Variants in PAN2 observed in about 807,000 individuals in gnomAD.
PAN2 encodes PAN2-PAN3 deadenylation complex catalytic subunit PAN2.
In PAN2, 68 loss-of-function variants were observed where a neutral mutation model predicts 133.3. That is an observed-to-expected ratio of 0.51 (90% confidence interval 0.42 to 0.62). The LOEUF (loss-of-function observed/expected upper bound fraction) is 0.62. Among genes scored for constraint, PAN2 ranks in the 20% least tolerant of loss-of-function variants. The probability of loss-of-function intolerance (pLI) is 0.00; values close to 1 mark genes in which losing one functional copy is unlikely to be tolerated. For synonymous variants in PAN2, 462 were observed against 544.6 expected (o/e 0.85, Z 2.11); for missense variants, 1,042 against 1,500.5 (o/e 0.69, Z 5.05).
chr12:56,323,449 G>A (rs1201080827), intron 15 of PAN2, 51 bp downstream of exon 15: 9 of 1,607,538 alleles, frequency 5.6e-6, no homozygotes, highest in Non-Finnish European at 7.7e-6. Context: ...TCAGAAGGGG[G>A]ATAAAATGAA....
In PAN2 at chr12:56,333,171, C is replaced by T. The variant is rs896116812; in HGVS notation, c.-77G>A. On this transcript the variant is annotated 5_prime_UTR_variant, in exon 2 of 26. Transcript: ENST00000440411. Reference sequence around the variant, plus strand: ...TTTAGATGCCTGACCCAACCTTCAGCAAGACAGCACCGATGGGCCTAGAAT... The same window carrying T: ...TTTAGATGCCTGACCCAACCTTCAGTAAGACAGCACCGATGGGCCTAGAAT... The T allele has an allele frequency of 9.7e-5, 142 of 1,469,016 alleles. 3 individuals carry two copies. The South Asian group carries it at 1.7e-3, about 18-fold the overall frequency. The allele number at this position is 1,469,016 out of a possible 1,614,324, so 91.0% of individuals were successfully genotyped here. A position where few individuals can be genotyped will look rare whatever the true frequency, so the allele number is the denominator to read the frequency against.
At chr12:56,330,245 G>C (rs947151779) in intron 2 of PAN2, among the ~76,000 whole-genome samples, 1 of 151,284 alleles carries the variant, frequency 6.6e-6, no homozygotes, top group Non-Finnish European at 1.5e-5. Flanking sequence ...TTCTAAAAGA[G>C]CCATTAGGAA....
chr12:56,317,244 C>T lies in PAN2; in HGVS notation c.*365G>A, dbSNP rs1874026401. The T allele has an allele frequency of 4.2e-6, 1 of 239,984 alleles. No individual in the cohort carries two copies. The highest frequency in any genetic ancestry group is 6.3e-5 in the South Asian group (1 of 15,800). 14.9% of individuals were successfully genotyped at this position (239,984 alleles called of 1,614,324 possible). On this transcript the variant is annotated 3_prime_UTR_variant, in exon 26 of 26. Coordinates refer to ENST00000440411, the MANE Select transcript of PAN2 (RefSeq NM_014871.6). ...TGAACTACTGTGGTATCCTCTGTCA[C>T]TGTCCAGGACTTCAATCCCTAGCCA...
Position 56,332,871 on chromosome 12 carries a change from G to C in PAN2, c.224C>G (p.Pro75Arg). The change falls in exon 2 of 26, where the codon CCT becomes CGT. Residue 75 changes from proline (P) to arginine (R), a missense_variant. Transcript: ENST00000440411. Reference protein sequence around the residue: ...LHSVVAEVGVPVSVSHFDLHE... With the variant: ...LHSVVAEVGVRVSVSHFDLHE... Reference sequence around the variant, plus strand: ...CAAGTCAAAGTGGGAGACGGAAACAGGTACACCCACTTCAGCCACCACGCT... The same window carrying C: ...CAAGTCAAAGTGGGAGACGGAAACACGTACACCCACTTCAGCCACCACGCT... 1 of 1,614,180 alleles carries C rather than the reference G, an allele frequency of 6.2e-7. No homozygotes were observed. The highest frequency in any genetic ancestry group is 8.5e-7 in the Non-Finnish European group (1 of 1,180,034).
Position 56,317,534 on chromosome 12 carries a change from C to T in PAN2, c.*75G>A. On this transcript the variant is annotated 3_prime_UTR_variant, in exon 26 of 26. Coordinates refer to ENST00000440411, the MANE Select transcript of PAN2 (RefSeq NM_014871.6). Reference sequence around the variant, plus strand: ...CTGGAAGTGGACAAGGTATAGCCAACTTAGGAAGCCATCTCCCAGTTCTGG... The same window carrying T: ...CTGGAAGTGGACAAGGTATAGCCAATTTAGGAAGCCATCTCCCAGTTCTGG... 1 of 1,341,114 alleles carries T rather than the reference C, an allele frequency of 7.5e-7. No homozygotes were observed. Among genetic ancestry groups the T allele is most frequent in the African/African-American group, 1.4e-5 (1 of 69,896 alleles). The allele number at this position is 1,341,114 out of a possible 1,614,324, so 83.1% of individuals were successfully genotyped here.
At position 56,324,692 on chromosome 12, in the gene PAN2, C is replaced by T. The variant is rs759537895; in HGVS notation, c.1617G>A (p.Glu539=). 2.5e-6 allele frequency: 4 copies of T among 1,613,324 alleles called. No individual in the cohort carries two copies. Among genetic ancestry groups the T allele is most frequent in the Non-Finnish European group, 3.4e-6 (4 of 1,179,816 alleles). ...NCMIQVLYFL[E]PVRCLIQNHL... is the part of the protein sequence containing the mutation. Reference sequence around the variant, plus strand: ...GGTTTTGAATTAGACAGCGTACAGGCTCCAGGAAATAGAGCACCTGGAGGG... The same window carrying T: ...GGTTTTGAATTAGACAGCGTACAGGTTCCAGGAAATAGAGCACCTGGAGGG... Residue 539 remains glutamate, a synonymous_variant, in exon 11 of 26, where the codon GAG becomes GAA. Transcript: ENST00000440411.
chr12:56,333,129 TC>T lies in PAN2; in HGVS notation c.-36del. On this transcript the variant is annotated 5_prime_UTR_variant, in exon 2 of 26. Transcript: ENST00000440411. ...GGCAGCTTACACCTGTGTCACACCC[TC>T]CCTTACCACAGTCCCTTTAGATGCC... 1 of 1,605,772 alleles carries T rather than the reference TC, an allele frequency of 6.2e-7. No individual in the cohort carries two copies. Among genetic ancestry groups the T allele is most frequent in the Non-Finnish European group, 8.5e-7 (1 of 1,174,506 alleles).
chr12:56,330,310 C>A (rs1472193116), intron 2 of PAN2, among the ~76,000 whole-genome samples: 1 of 151,800 alleles, frequency 6.6e-6, no homozygotes, highest in East Asian at 1.9e-4. Context: ...AGCAACATTT[C>A]CCACCCTTCA....
At chr12:56,325,279 C>A in intron 9 of PAN2, 56 bp downstream of exon 9, 5 of 1,607,456 alleles carry the variant, frequency 3.1e-6, no homozygotes, top group Non-Finnish European at 4.3e-6. Flanking sequence ...TCTCATATGA[C>A]TTCCTTCCCA....
At position 56,328,032 on chromosome 12, in the gene PAN2, G is replaced by T; in HGVS notation, c.614C>A (p.Thr205Lys). The T allele has an allele frequency of 6.2e-7, 1 of 1,613,968 alleles. No homozygotes were observed. The highest frequency in any genetic ancestry group is 8.5e-7 in the Non-Finnish European group (1 of 1,179,904). Reference protein sequence around the residue: ...ETPGVTIMRQTNRFFFCGHTS... With the variant: ...ETPGVTIMRQKNRFFFCGHTS... ...GTGGCCGCAGAAGAAGAAGCGATTTGTCTGTCTCATGATGGTGACTCCAGG... is the reference window on the plus strand; with the variant it reads ...GTGGCCGCAGAAGAAGAAGCGATTTTTCTGTCTCATGATGGTGACTCCAGG... The change falls in exon 5 of 26, where the codon ACA becomes AAA. Residue 205 changes from threonine (T) to lysine (K), a missense_variant. Physicochemically the swap from Thr to Lys is moderately conservative, Grantham distance 78. Coordinates refer to ENST00000440411, the MANE Select transcript of PAN2 (RefSeq NM_014871.6).
intron 2 of PAN2, among the ~76,000 whole-genome samples, chr12:56,330,113 TAAG>T (rs993710134): frequency 6.6e-6 from 1 of 152,100 alleles, no homozygotes; most frequent in Non-Finnish European, 1.5e-5. Flanking sequence ...GGCACAAGGA[TAAG>T]TTAGAGGCAT....
rs774488262 is a variant in PAN2 at position 56,332,784 on chromosome 12, C to T, written c.282+29G>A. ...CCAGATAAAGACCTTCAACATCTTT[C>T]AACCCTCACAAAGGGGTACAGTTCT... On this transcript the variant is annotated intron_variant, in intron 2 of 25. Coordinates refer to ENST00000440411, the MANE Select transcript of PAN2 (RefSeq NM_014871.6). The T allele has an allele frequency of 3.1e-6, 5 of 1,605,102 alleles. No individual in the cohort carries two copies. The South Asian group carries it at 5.5e-5, about 18-fold the overall frequency.
At position 56,333,036 on chromosome 12, in the gene PAN2, G is replaced by A. The variant is rs763671246; in HGVS notation, c.59C>T (p.Ala20Val). 6.2e-7 allele frequency: 1 copy of A among 1,614,150 alleles called. No individual in the cohort carries two copies. Among genetic ancestry groups the A allele is most frequent in the East Asian group, 2.2e-5 (1 of 44,888 alleles). ...LAEYAPAMHS[A>V]LDPVLDAHLN... ...GTGGGCATCCAAGACAGGGTCCAGG[G>A]CAGAATGCATGGCTGGGGCATATTC... Residue 20 changes from alanine (A) to valine (V), a missense_variant, in exon 2 of 26, where the codon GCC (alanine) becomes GTC (valine). Coordinates refer to ENST00000440411, the MANE Select transcript of PAN2 (RefSeq NM_014871.6).
At chr12:56,320,171 G>C (rs1285272637) in intron 20 of PAN2, 150 bp from the exon 21 acceptor site, 2 of 700,496 alleles carry the variant, frequency 2.9e-6, no homozygotes, top group Non-Finnish European at 4.8e-6. Flanking sequence ...CTGATAAATG[G>C]GACAGGTAGA....
At chr12:56,322,006 C>T in intron 20 of PAN2, 72 bp downstream of exon 20, 2 of 745,192 alleles carry the variant, frequency 2.7e-6, no homozygotes, top group Non-Finnish European at 4.7e-6. Flanking sequence ...TACTTGCAAG[C>T]AATGTCCCAG....
Position 56,333,177 on chromosome 12 carries a change from A to G in PAN2, c.-83T>C. ...TGCCTGACCCAACCTTCAGCAAGAC[A>G]GCACCGATGGGCCTAGAATGGACAT... On this transcript the variant is annotated 5_prime_UTR_variant, in exon 2 of 26. Coordinates refer to ENST00000440411, the MANE Select transcript of PAN2 (RefSeq NM_014871.6). The G allele has an allele frequency of 7.0e-7, 1 of 1,427,328 alleles. No individual in the cohort carries two copies. The highest frequency in any genetic ancestry group is 9.7e-7 in the Non-Finnish European group (1 of 1,027,648). The allele number at this position is 1,427,328 out of a possible 1,614,324, so 88.4% of individuals were successfully genotyped here.
At position 56,333,183 on chromosome 12, in the gene PAN2, G is replaced by T; in HGVS notation, c.-89C>A. On this transcript the variant is annotated 5_prime_UTR_variant, in exon 2 of 26. The change creates a premature stop within an existing upstream ORF in the 5' untranslated region. Transcript: ENST00000440411. ...ACCCAACCTTCAGCAAGACAGCACC[G>T]ATGGGCCTAGAATGGACATCCTGGC... is the stretch of plus-strand genomic sequence containing the variant. 7.3e-7 allele frequency: 1 copy of T among 1,370,502 alleles called. No individual in the cohort carries two copies. The highest frequency in any genetic ancestry group is 1.0e-6 in the Non-Finnish European group (1 of 980,878). 84.9% of individuals were successfully genotyped at this position (1,370,502 alleles called of 1,614,324 possible).
chr12:56,333,232 A>C, intron 1 of PAN2, 24 bp from the exon 2 acceptor site: 1 of 844,108 alleles, frequency 1.2e-6, no homozygotes, highest in Non-Finnish European at 1.8e-6. Flanking sequence ...GAGGTAGCTG[A>C]GTCAAGGGTA....
rs149050168 is a variant in PAN2, at chr12:56,319,199, G to C, written c.3271-18C>G. On this transcript the variant is annotated intron_variant, in intron 23 of 25. Transcript: ENST00000440411. The surrounding 1 kb of genome is among the most constrained non-coding windows in gnomAD (Gnocchi z 5.4). ...TTGGGCACCTGGCAAGGATAAAAGA[G>C]GGGGAGACTTAAGGTAGGGGACCTA... is the stretch of plus-strand genomic sequence containing the variant. 2.5e-6 allele frequency: 4 copies of C among 1,613,922 alleles called. No homozygotes were observed. Among genetic ancestry groups the C allele is most frequent in the South Asian group, 1.1e-5 (1 of 91,072 alleles).
Sources: gnomAD v4.1 joint callset for allele counts (sites outside exome capture counted in the v4.1 genomes callset) on GRCh38, gnomAD v4.1.1 for gene constraint, Gnocchi (gnomAD v3.1) non-coding constraint, MANE v1.5 for transcripts, NCBI Gene and HGNC (gene_info 2026-07-23, HGNC 2026-07-21) for gene names.